The following DNAI4 variants were observed in gnomAD, a reference collection of about 807,000 sequenced individuals.
DNAI4 encodes the protein WD repeat domain 78.
In DNAI4, 85 loss-of-function variants were observed where a neutral mutation model predicts 105.8. The observed-to-expected ratio is 0.80, with a 90% CI of 0.67 to 0.96. The LOEUF is 0.96. Ranked by LOEUF, DNAI4 falls within the 40% of genes least tolerant of loss-of-function variation. The pLI is 0.00. For synonymous variants in DNAI4, 352 were observed against 331.5 expected (o/e 1.06, Z -0.67); for missense variants, 1,014 against 1,005.6 (o/e 1.01, Z -0.11).
intron 9 of DNAI4, among the ~76,000 whole-genome samples, chr1:66,839,494 C>T (rs921025032): frequency 5.9e-5 from 9 of 151,916 alleles, no homozygotes; most frequent in African/African-American, 2.2e-4. Context: ...TAAGGTGTGG[C>T]AATAAAATAA....
At chr1:66,844,493 G>T (rs528601939) in intron 8 of DNAI4, among the ~76,000 whole-genome samples, 1 of 152,216 alleles carries the variant, frequency 6.6e-6, no homozygotes, top group Non-Finnish European at 1.5e-5. Flanking sequence ...AGCCCGGGAG[G>T]CGGAGGTTGT....
intron 1 of DNAI4, among the ~76,000 whole-genome samples, chr1:66,923,340 TG>T (rs1650695084): frequency 6.6e-6 from 1 of 152,202 alleles, no homozygotes; most frequent in South Asian, 2.1e-4. Context: ...TCTACGTTTG[TG>T]TAAGTACACT....
At chr1:66,826,113 C>T (rs935954173) in intron 15 of DNAI4, among the ~76,000 whole-genome samples, 1 of 152,078 alleles carries the variant, frequency 6.6e-6, no homozygotes, top group African/African-American at 2.4e-5. Flanking sequence ...AAGGTAAGAG[C>T]ATAAGTAAAT....
At chr1:66,894,400 T>C (rs564632079) in intron 2 of DNAI4, among the ~76,000 whole-genome samples, 230 of 152,326 alleles carry the variant, frequency 1.5e-3, no homozygotes, top group Non-Finnish European at 2.8e-3. Context: ...TTATTGGTAA[T>C]GTATGAGTCC....
At chr1:66,824,422 A>T (rs1279051731) in intron 15 of DNAI4, among the ~76,000 whole-genome samples, 1 of 152,158 alleles carries the variant, frequency 6.6e-6, no homozygotes, top group Non-Finnish European at 1.5e-5. Flanking sequence ...CGAACTTTAA[A>T]GTAGTTTTTC....
At chr1:66,899,803 T>C (rs1181410796) in intron 2 of DNAI4, among the ~76,000 whole-genome samples, 1 of 152,204 alleles carries the variant, frequency 6.6e-6, no homozygotes, top group Non-Finnish European at 1.5e-5. Context: ...CTGGAACAAT[T>C]TGTTCAACAG....
intron 1 of DNAI4, among the ~76,000 whole-genome samples, chr1:66,912,314 A>T (rs978237604): frequency 6.6e-6 from 1 of 152,036 alleles, no homozygotes; most frequent in African/African-American, 2.4e-5. Flanking sequence ...CTACAAAAAA[A>T]AAAAATTAGC....
At chr1:66,830,949 C>A (rs1645853406) in intron 13 of DNAI4, among the ~76,000 whole-genome samples, 1 of 132,090 alleles carries the variant, frequency 7.6e-6, no homozygotes, top group Admixed American at 8.7e-5. Flanking sequence ...TGCACTCCAG[C>A]CTAGATGACA....
intron 9 of DNAI4, among the ~76,000 whole-genome samples, chr1:66,839,380 C>T (rs925506898): frequency 6.6e-6 from 1 of 152,046 alleles, no homozygotes; most frequent in Non-Finnish European, 1.5e-5. Flanking sequence ...CAAAATAATA[C>T]ACATAATTAA....
At position 66,893,868 on chromosome 1, in the gene DNAI4, T is replaced by C. The variant is rs566605018; in HGVS notation, c.346-455A>G. On this transcript the variant is annotated intron_variant, in intron 2 of 16. Transcript: ENST00000371026. ...GACCACATATATGACAGTGGTACCA[T>C]AACATTATAACAGAACTGAAAAGTT... Among the ~76,000 whole-genome samples, 31 of 152,276 alleles carry C rather than the reference T, an allele frequency of 2.0e-4. 1 individual carries two copies. In the South Asian group the frequency reaches 6.2e-3, roughly 31 times the overall value.
At chr1:66,851,052 A>C (rs569262220) in intron 7 of DNAI4, among the ~76,000 whole-genome samples, 2 of 151,846 alleles carry the variant, frequency 1.3e-5, no homozygotes, top group East Asian at 1.9e-4. Context: ...AAAGACTGAC[A>C]AAAAAAATTG....
intron 13 of DNAI4, 109 bp from the exon 14 acceptor site, chr1:66,828,019 TA>T (rs1645791334): frequency 1.5e-6 from 1 of 649,794 alleles, no homozygotes; most frequent in Non-Finnish European, 2.6e-6. Flanking sequence ...GAACCCAAAA[TA>T]AAAACACTAT....
At chr1:66,855,936 G>A (rs1029807870) in intron 7 of DNAI4, among the ~76,000 whole-genome samples, 4 of 152,044 alleles carry the variant, frequency 2.6e-5, no homozygotes, top group African/African-American at 9.7e-5. Flanking sequence ...CCAGGTTCAA[G>A]CGATTCTCCT....
intron 4 of DNAI4, among the ~76,000 whole-genome samples, chr1:66,886,664 G>A (rs1278930197): frequency 6.6e-6 from 1 of 152,188 alleles, no homozygotes; most frequent in Non-Finnish European, 1.5e-5. Context: ...TAAGTGTGGA[G>A]AAGGGAAGTA....
intron 1 of DNAI4, among the ~76,000 whole-genome samples, chr1:66,913,289 G>C (rs1649798061): frequency 1.3e-5 from 2 of 152,140 alleles, no homozygotes. Flanking sequence ...TTTTGTTGTT[G>C]TTTGTTCTGG....
intron 4 of DNAI4, among the ~76,000 whole-genome samples, chr1:66,886,840 C>T (rs1242973604): frequency 6.6e-6 from 1 of 152,180 alleles, no homozygotes; most frequent in Non-Finnish European, 1.5e-5. Context: ...ACGCTGTTAT[C>T]TTTCCTCCTT....
At chr1:66,834,739 G>A (rs992072064) in intron 11 of DNAI4, among the ~76,000 whole-genome samples, 3 of 151,848 alleles carry the variant, frequency 2.0e-5, no homozygotes, top group East Asian at 1.9e-4. Context: ...TGTTCTTTTC[G>A]TGGTACTGAC....
At chr1:66,896,438 G>A (rs891778804) in intron 2 of DNAI4, among the ~76,000 whole-genome samples, 5 of 152,176 alleles carry the variant, frequency 3.3e-5, no homozygotes, top group African/African-American at 1.2e-4. Context: ...TTCAAGAAGA[G>A]ACTCTGTATC....
At chr1:66,829,964 A>G (rs1329652138) in intron 13 of DNAI4, among the ~76,000 whole-genome samples, 1 of 152,184 alleles carries the variant, frequency 6.6e-6, no homozygotes, top group Non-Finnish European at 1.5e-5. Context: ...CTTCTAAATA[A>G]CCCACCCATC....
Sources: allele counts gnomAD v4.1 joint callset (sites outside exome capture counted in the v4.1 genomes callset), GRCh38; gene constraint gnomAD v4.1.1; transcripts MANE v1.5; gene names NCBI Gene and HGNC (gene_info 2026-07-23, HGNC 2026-07-21).